SMYD3: variants seen among roughly 807,000 people sequenced by gnomAD.
The protein encoded by SMYD3 is histone-lysine N-methyltransferase SMYD3.
A neutral mutation model predicts 57.7 loss-of-function variants in SMYD3; 36 were observed. The ratio of observed to expected loss-of-function variants is 0.62; its 90% confidence interval spans 0.48 to 0.82. The LOEUF is 0.82. Among genes scored for constraint, SMYD3 ranks in the 40% least tolerant of loss-of-function variants. The probability of loss-of-function intolerance (pLI) is 0.00; values close to 1 mark genes in which losing one functional copy is unlikely to be tolerated. For missense variants in SMYD3, 515 were observed against 538.8 expected (o/e 0.96, Z 0.44); for synonymous variants, 211 against 195.0 (o/e 1.08, Z -0.68).
chr1:246,263,205 G>A (rs2064042493), intron 5 of SMYD3, among the ~76,000 whole-genome samples: 1 of 152,166 alleles, frequency 6.6e-6, no homozygotes, highest in Admixed American at 6.5e-5. Flanking sequence ...TGTTAGCTCT[G>A]CCATTTACTA....
chr1:246,456,926 G>A (rs1368055032), intron 1 of SMYD3, among the ~76,000 whole-genome samples: 1 of 152,184 alleles, frequency 6.6e-6, no homozygotes, highest in Non-Finnish European at 1.5e-5. Flanking sequence ...TACACCGAAT[G>A]GACCAGACTA....
chr1:245,765,372 G>A (rs753799054), intron 10 of SMYD3, among the ~76,000 whole-genome samples: 4 of 151,374 alleles, frequency 2.6e-5, no homozygotes, highest in Admixed American at 6.6e-5. Flanking sequence ...CTGGGTGACA[G>A]AGTGAGACCC....
At chr1:245,994,551 G>T (rs2058884773) in intron 5 of SMYD3, among the ~76,000 whole-genome samples, 1 of 152,124 alleles carries the variant, frequency 6.6e-6, no homozygotes, top group African/African-American at 2.4e-5. Flanking sequence ...AGGAGCTGGG[G>T]ACTCCAAGCA....
In SMYD3 at chr1:246,039,005, G is replaced by T. The variant is rs554318144; in HGVS notation, c.532-109068C>A. Among the ~76,000 whole-genome samples the T allele has an allele frequency of 3.9e-4, 60 of 152,218 alleles. 1 individual carries two copies. The highest frequency in any genetic ancestry group is 1.4e-3 in the African/African-American group (58 of 41,548). On this transcript the variant is annotated intron_variant, in intron 5 of 11. Transcript: ENST00000490107. ...AGAACAAACAAATAAACAAAAATTG[G>T]CCGTTCAAGTCTCTACCAGAGTTTA... is the stretch of plus-strand genomic sequence containing the variant.
At chr1:246,085,701 C>A (rs533197968) in intron 5 of SMYD3, among the ~76,000 whole-genome samples, 88 of 152,290 alleles carry the variant, frequency 5.8e-4, no homozygotes, top group Non-Finnish European at 1.1e-3. Context: ...CGTTTAACTG[C>A]TTCTTCGGGT....
chr1:245,980,777 T>C (rs1418944130), intron 5 of SMYD3, among the ~76,000 whole-genome samples: 1 of 152,172 alleles, frequency 6.6e-6, no homozygotes, highest in Admixed American at 6.5e-5. Context: ...GGGAAACAAA[T>C]CCCTACTCCA....
intron 5 of SMYD3, among the ~76,000 whole-genome samples, chr1:245,971,585 C>T (rs1040136720): frequency 2.0e-5 from 3 of 152,206 alleles, no homozygotes; most frequent in Non-Finnish European, 4.4e-5. Context: ...TGAGGGAAAA[C>T]CTGAGCTTAG....
chr1:245,927,073 G>A (rs370689124), intron 7 of SMYD3, among the ~76,000 whole-genome samples: 1 of 152,262 alleles, frequency 6.6e-6, no homozygotes, highest in Non-Finnish European at 1.5e-5. Flanking sequence ...TTGGCTGAGT[G>A]CTGCATAAAT....
chr1:245,781,569 C>A (rs571618359), intron 10 of SMYD3, among the ~76,000 whole-genome samples: 119 of 152,304 alleles, frequency 7.8e-4, no homozygotes, highest in Non-Finnish European at 1.4e-3. Context: ...TCCATCCTCT[C>A]TTATTAGCAC....
chr1:245,966,842 C>CAAAT (rs2148010587), intron 5 of SMYD3, among the ~76,000 whole-genome samples: 1 of 152,252 alleles, frequency 6.6e-6, no homozygotes, highest in Admixed American at 6.5e-5. Flanking sequence ...TGCAGTCTTT[C>CAAAT]AAATACTCCT....
At chr1:246,437,005 T>G (rs1003301993) in intron 1 of SMYD3, among the ~76,000 whole-genome samples, 4 of 150,976 alleles carry the variant, frequency 2.6e-5, no homozygotes, top group African/African-American at 9.7e-5. Context: ...GTTCAAGCGA[T>G]TCTCCTGCCT....
intron 5 of SMYD3, among the ~76,000 whole-genome samples, chr1:246,214,176 G>C (rs1000048485): frequency 6.6e-6 from 1 of 152,134 alleles, no homozygotes; most frequent in Admixed American, 6.5e-5. Flanking sequence ...TGGATGATAA[G>C]GTTGAAAAAG....
intron 5 of SMYD3, among the ~76,000 whole-genome samples, chr1:246,251,102 T>C (rs10924625): frequency 0.21 from 31,569 of 152,156 alleles, 3,993 homozygotes; most frequent in East Asian, 0.58. Flanking sequence ...TTGGGCTACA[T>C]GTCATTTCCT....
intron 5 of SMYD3, among the ~76,000 whole-genome samples, chr1:245,989,324 G>C (rs1465907548): frequency 6.6e-6 from 1 of 152,108 alleles, no homozygotes; most frequent in African/African-American, 2.4e-5. Context: ...CACTCCCCCA[G>C]TACTTGACCA....
chr1:245,955,232 C>T (rs1316172425), intron 5 of SMYD3, among the ~76,000 whole-genome samples: 2 of 148,252 alleles, frequency 1.3e-5, no homozygotes, highest in African/African-American at 5.0e-5. Context: ...GCTGGGACTA[C>T]AGGTGCCCGC....
chr1:246,335,280 G>T, intron 3 of SMYD3, 87 bp downstream of exon 3: 1 of 1,160,228 alleles, frequency 8.6e-7, no homozygotes, highest in Non-Finnish European at 1.3e-6. Flanking sequence ...AACTGAACCT[G>T]CAACATCTCT....
At chr1:245,897,578 T>C (rs977242742) in intron 8 of SMYD3, among the ~76,000 whole-genome samples, 11 of 152,140 alleles carry the variant, frequency 7.2e-5, no homozygotes, top group African/African-American at 2.4e-4. Context: ...TTTTTCACGC[T>C]TCTAGTTACC....
Position 246,485,600 on chromosome 1 carries a change from A to G in SMYD3, c.164+21454T>C, listed in dbSNP as rs1430550650. Among the ~76,000 whole-genome samples the G allele has an allele frequency of 1.1e-3, 123 of 110,676 alleles. 3 individuals carry two copies. Among genetic ancestry groups the G allele is most frequent in the Non-Finnish European group, 1.9e-4 (10 of 52,092 alleles). 72.6% of individuals were successfully genotyped at this position (110,676 alleles called of 152,430 possible). ...TGTTCAAGCCCAGCCTGGGCAATAC[A>G]GTGAGACCCCCCCCCACATCTCTAC... On this transcript the variant is annotated intron_variant, in intron 1 of 11. Coordinates refer to ENST00000490107, the MANE Select transcript of SMYD3 (RefSeq NM_001167740.2).
At chr1:245,751,583 A>G (rs1245646208) in intron 11 of SMYD3, among the ~76,000 whole-genome samples, 2 of 56,868 alleles carry the variant, frequency 3.5e-5, no homozygotes, top group African/African-American at 1.6e-4. Context: ...AGAGAAAGAG[A>G]GAGAGAGAGA....
Sources: gnomAD v4.1 joint callset for allele counts (sites outside exome capture counted in the v4.1 genomes callset) on GRCh38, gnomAD v4.1.1 for gene constraint, MANE v1.5 for transcripts, NCBI Gene and HGNC (gene_info 2026-07-23, HGNC 2026-07-21) for gene names.